Variants in AZIN2 observed in about 807,000 individuals in gnomAD.
The protein encoded by AZIN2 is ODC antizyme inhibitor-2.
A neutral mutation model predicts 47.8 loss-of-function variants in AZIN2; 28 were observed. The ratio of observed to expected loss-of-function variants is 0.59; its 90% CI spans 0.43 to 0.80. AZIN2 has a LOEUF of 0.80. Ranked by LOEUF, AZIN2 falls within the 30% of genes least tolerant of loss-of-function variation. The probability of loss-of-function intolerance (pLI) is 0.00; values close to 1 mark genes in which losing one functional copy is unlikely to be tolerated. For synonymous variants in AZIN2, 221 were observed against 239.4 expected (o/e 0.92, Z 0.71); for missense variants, 535 against 582.5 (o/e 0.92, Z 0.84).
At chr1:33,138,412 A>G in the AZIN2 span, among the ~76,000 whole-genome samples, 2 of 152,160 alleles carry the variant, frequency 1.3e-5, no homozygotes, top group African/African-American at 4.8e-5. Flanking sequence ...CTGTAATCCC[A>G]ACACTTTAAG....
chr1:33,161,628 T>C, the AZIN2 span, among the ~76,000 whole-genome samples: 1 of 152,108 alleles, frequency 6.6e-6, no homozygotes, highest in African/African-American at 2.4e-5. The surrounding 1 kb of genome is among the most constrained non-coding windows in gnomAD (Gnocchi z 4.3). Flanking sequence ...ACGGCCAGGC[T>C]GCCGTGGCCT....
rs1020899067 is a variant in AZIN2 at position 33,121,955 on chromosome 1, G to T, written c.*1773G>T. ...AGGGGTGTCTCCCTTTTCCAGGTGG[G>T]ATCTAGTTTTCGGTATCTTGACAAT... On this transcript the variant is annotated 3_prime_UTR_variant, in exon 12 of 12. Transcript: ENST00000294517. Among the ~76,000 whole-genome samples the T allele has an allele frequency of 3.9e-5, 6 of 152,120 alleles. No homozygotes were observed. The highest frequency in any genetic ancestry group is 1.3e-4 in the Admixed American group (2 of 15,274).
chr1:33,133,857 G>T, the AZIN2 span, among the ~76,000 whole-genome samples: 1 of 152,220 alleles, frequency 6.6e-6, no homozygotes, highest in African/African-American at 2.4e-5. Context: ...TTCCCCTAGT[G>T]TTTGGCACTT....
chr1:33,152,807 T>G, the AZIN2 span, among the ~76,000 whole-genome samples: 1 of 152,168 alleles, frequency 6.6e-6, no homozygotes, highest in South Asian at 2.1e-4. Flanking sequence ...AGGCAAGGAA[T>G]GTGCCGGGAC....
At chr1:33,091,214 T>C (rs1375808890) in intron 5 of AZIN2, among the ~76,000 whole-genome samples, 1 of 152,150 alleles carries the variant, frequency 6.6e-6, no homozygotes, top group African/African-American at 2.4e-5. Context: ...GTATACCCAG[T>C]ATTGGATTGC....
At chr1:33,159,693 G>T in the AZIN2 span, 3 of 1,606,890 alleles carry the variant, frequency 1.9e-6, no homozygotes, top group Non-Finnish European at 2.5e-6. This position sits in a 1 kb window ranked among gnomAD's most constrained non-coding sequence, Gnocchi z 4.2. Flanking sequence ...CTTACCGCTC[G>T]GACAGTGAGG....
chr1:33,111,647 G>A (rs915838367), intron 10 of AZIN2, among the ~76,000 whole-genome samples: 15 of 148,588 alleles, frequency 1.0e-4, no homozygotes, highest in Non-Finnish European at 1.5e-4. Flanking sequence ...TTTTTCTGTC[G>A]CCCAGGCTGG....
intron 10 of AZIN2, among the ~76,000 whole-genome samples, chr1:33,112,983 A>T (rs976464096): frequency 2.0e-5 from 3 of 151,700 alleles, no homozygotes; most frequent in African/African-American, 2.4e-5. Flanking sequence ...TTATTTATTT[A>T]TTTTTTTTGA....
the AZIN2 span, among the ~76,000 whole-genome samples, chr1:33,128,729 C>T: frequency 1.3e-5 from 2 of 152,206 alleles, no homozygotes; most frequent in Non-Finnish European, 2.9e-5. Context: ...GGTCCTATAA[C>T]TTGTCTCTCA....
intron 10 of AZIN2, among the ~76,000 whole-genome samples, chr1:33,104,246 AT>A (rs1048403581): frequency 6.6e-6 from 1 of 151,914 alleles, no homozygotes; most frequent in Non-Finnish European, 1.5e-5. Context: ...TTATTGTTTT[AT>A]TTATTTTGAT....
the AZIN2 span, among the ~76,000 whole-genome samples, chr1:33,129,357 T>C: frequency 1.4e-4 from 21 of 152,168 alleles, no homozygotes; most frequent in African/African-American, 5.1e-4. This position sits in a 1 kb window ranked among gnomAD's most constrained non-coding sequence, Gnocchi z 4.1. Flanking sequence ...ACAAACATTC[T>C]CTTCTGATAA....
chr1:33,097,890 G>T (rs892037732), intron 9 of AZIN2, 177 bp from the exon 10 acceptor site: 60 of 612,064 alleles, frequency 9.8e-5, no homozygotes, highest in South Asian at 5.0e-4. Context: ...TCCTAACACG[G>T]CAGTGAACCC....
intron 9 of AZIN2, among the ~76,000 whole-genome samples, chr1:33,097,314 A>G (rs1248334624): frequency 6.6e-6 from 1 of 152,160 alleles, no homozygotes; most frequent in East Asian, 1.9e-4. Flanking sequence ...AGTCCACTTT[A>G]CAGATGACAA....
At chr1:33,111,907 G>T (rs1241441858) in intron 10 of AZIN2, among the ~76,000 whole-genome samples, 2 of 151,970 alleles carry the variant, frequency 1.3e-5, no homozygotes, top group African/African-American at 2.4e-5. Flanking sequence ...CCGGCCTGAA[G>T]AATTCTTAAG....
the AZIN2 span, among the ~76,000 whole-genome samples, chr1:33,139,144 A>G: frequency 2.6e-5 from 4 of 152,182 alleles, no homozygotes; most frequent in Admixed American, 6.5e-5. Context: ...AAGCAAACAA[A>G]TAACTTTCCT....
chr1:33,130,711 A>C, the AZIN2 span, among the ~76,000 whole-genome samples: 1 of 152,212 alleles, frequency 6.6e-6, no homozygotes, highest in Non-Finnish European at 1.5e-5. Context: ...AGTTTTACCT[A>C]ATTTTAAGGT....
At chr1:33,098,263 A>G in intron 10 of AZIN2, 84 bp downstream of exon 10, 1 of 1,036,686 alleles carries the variant, frequency 9.6e-7, no homozygotes, top group South Asian at 1.6e-5. Context: ...AATTTTTAAA[A>G]AGTCAAACAT....
chr1:33,136,113 C>CCCTCCCTTCCTT, the AZIN2 span, among the ~76,000 whole-genome samples: 4 of 103,512 alleles, frequency 3.9e-5, no homozygotes, highest in African/African-American at 1.6e-4. Context: ...CAGGGGCCAG[C>CCCTCCCTTCCTT]CCTTCCTTCC....
At chr1:33,164,512 A>C in the AZIN2 span, 1 of 152,360 alleles carries the variant, frequency 6.6e-6, no homozygotes, top group Admixed American at 6.5e-5. Flanking sequence ...GAAAGCATGC[A>C]ATTTACCCAA....
Sources: allele counts gnomAD v4.1 joint callset (sites outside exome capture counted in the v4.1 genomes callset), GRCh38; gene constraint gnomAD v4.1.1; non-coding constraint Gnocchi (gnomAD v3.1); transcripts MANE v1.5; gene names NCBI Gene and HGNC (gene_info 2026-07-23, HGNC 2026-07-21).